Variants in PHLDB2 observed in about 807,000 individuals in gnomAD.
PHLDB2 encodes the protein pleckstrin homology-like domain family B member 2.
A neutral mutation model predicts 123.6 loss-of-function variants in PHLDB2; 71 were observed. That is an observed-to-expected ratio of 0.57 (90% confidence interval 0.47 to 0.70). The LOEUF is 0.70. Ranked by LOEUF, PHLDB2 falls within the 30% of genes least tolerant of loss-of-function variation. The pLI is 0.00. For missense variants in PHLDB2, 1,446 were observed against 1,519.5 expected (o/e 0.95, Z 0.80); for synonymous variants, 547 against 541.6 (o/e 1.01, Z -0.14).
intron 3 of PHLDB2, chr3:111,917,552 C>T (rs1478435326): frequency 1.3e-5 from 2 of 152,128 alleles, no homozygotes; most frequent in African/African-American, 4.8e-5. Context: ...AAAACAGGCA[C>T]CTTAGTATTA....
At chr3:111,895,277 G>A (rs183979020) in intron 2 of PHLDB2, among the ~76,000 whole-genome samples, 1 of 152,198 alleles carries the variant, frequency 6.6e-6, no homozygotes, top group East Asian at 1.9e-4. Flanking sequence ...GCCTCTTGAT[G>A]GTGCCATGCA....
chr3:111,862,384 A>G (rs2064875725), intron 1 of PHLDB2, among the ~76,000 whole-genome samples: 1 of 152,164 alleles, frequency 6.6e-6, no homozygotes, highest in Non-Finnish European at 1.5e-5. Flanking sequence ...GCTTTATCTT[A>G]AAGTCCTGAC....
chr3:111,919,073 C>A lies in PHLDB2; in HGVS notation c.1721C>A (p.Thr574Asn), dbSNP rs1412556925. 1.2e-6 allele frequency: 2 copies of A among 1,613,736 alleles called. No individual in the cohort carries two copies. The highest frequency in any genetic ancestry group is 1.1e-5 in the South Asian group (1 of 91,068). ...ESSYLSILPKTPEGISEEQRS... is the reference protein window; with the variant it reads ...ESSYLSILPKNPEGISEEQRS... ...CATTTCTGTGTTGATTAATCGCAGA[C>A]CCCAGAGGGTATAAGTGAAGAACAG... The change falls in exon 4 of 18, where the codon ACC (threonine) becomes AAC (asparagine). Residue 574 changes from threonine (T) to asparagine (N), a missense_variant and splice_region_variant. Transcript: ENST00000431670.
In PHLDB2 at chr3:111,743,897, A is replaced by T. The variant is rs151041327; in HGVS notation, c.-49+11194A>T. Among the ~76,000 whole-genome samples the T allele has an allele frequency of 9.2e-5, 14 of 152,342 alleles. No individual in the cohort carries two copies. In the South Asian group the frequency reaches 2.7e-3, roughly 29 times the overall value. On this transcript the variant is annotated intron_variant, in intron 1 of 17. Coordinates refer to the PHLDB2 transcript ENST00000393923. ...ATCACACTCTTAATGAACAATTTTC[A>T]TATTGGTTTCATTTTTATCATCCAT... is the stretch of plus-strand genomic sequence containing the variant.
chr3:111,872,534 A>T (rs1002048106), intron 1 of PHLDB2, among the ~76,000 whole-genome samples: 1 of 152,046 alleles, frequency 6.6e-6, no homozygotes, highest in African/African-American at 2.4e-5. Flanking sequence ...GTGTGCAATC[A>T]CGTCCCTCCT....
intron 2 of PHLDB2, among the ~76,000 whole-genome samples, chr3:111,852,970 T>C (rs2064325447): frequency 6.6e-6 from 1 of 152,180 alleles, no homozygotes; most frequent in Admixed American, 6.5e-5. Context: ...GGGATAATCA[T>C]TAAACTTGAG....
intron 1 of PHLDB2, among the ~76,000 whole-genome samples, chr3:111,830,955 G>GAAAGAA (rs1553736316): frequency 6.3e-5 from 4 of 63,702 alleles, no homozygotes; most frequent in African/African-American, 2.2e-4. Context: ...AAGAAAGAAA[G>GAAAGAA]AGAAAGAAAG....
At chr3:111,777,090 G>T (rs916210713) in intron 1 of PHLDB2, among the ~76,000 whole-genome samples, 4 of 151,972 alleles carry the variant, frequency 2.6e-5, no homozygotes, top group Non-Finnish European at 5.9e-5. Context: ...TGATGAGGAG[G>T]CAGCATCATT....
At chr3:111,818,105 A>T (rs1056075614) in intron 1 of PHLDB2, among the ~76,000 whole-genome samples, 8 of 151,808 alleles carry the variant, frequency 5.3e-5, no homozygotes, top group African/African-American at 1.9e-4. Flanking sequence ...ATGTAAGCTG[A>T]CTCATAGGGA....
intron 1 of PHLDB2, among the ~76,000 whole-genome samples, chr3:111,880,851 G>A (rs1303867841): frequency 2.0e-5 from 3 of 152,140 alleles, no homozygotes; most frequent in African/African-American, 7.2e-5. Flanking sequence ...GAACTTATCT[G>A]CTGCCTCTTG....
intron 1 of PHLDB2, among the ~76,000 whole-genome samples, chr3:111,743,034 G>A (rs921638408): frequency 6.6e-6 from 1 of 152,098 alleles, no homozygotes; most frequent in Non-Finnish European, 1.5e-5. Flanking sequence ...AGTTTCAGAC[G>A]GGTGCTCCCC....
intron 2 of PHLDB2, 112 bp downstream of exon 2, chr3:111,885,524 C>G: frequency 7.7e-7 from 1 of 1,293,124 alleles, no homozygotes; most frequent in East Asian, 2.3e-5. Context: ...TTCATGTTCA[C>G]TAGCCACAGC....
chr3:111,735,524 G>A (rs1198492080), intron 1 of PHLDB2, among the ~76,000 whole-genome samples: 4 of 152,170 alleles, frequency 2.6e-5, no homozygotes. Context: ...AAATGTCTTT[G>A]AACAAAGGGT....
chr3:111,788,369 G>A (rs941032777), intron 1 of PHLDB2, among the ~76,000 whole-genome samples: 1 of 152,138 alleles, frequency 6.6e-6, no homozygotes, highest in Non-Finnish European at 1.5e-5. Context: ...GTAGAGTCTG[G>A]GACTTTTGTG....
rs1372319568 is a variant in PHLDB2 at position 111,913,324 on chromosome 3, A to C, written c.1341A>C (p.Arg447Ser). ...LREQEMERLERQRLETILSLC... is the reference protein window; with the variant it reads ...LREQEMERLESQRLETILSLC... Reference sequence around the variant, plus strand: ...CCCTCCTCCCTGTGTTCCAGGAGAGACAGCGTCTGGAGACCATCCTCAGTC... The same window carrying C: ...CCCTCCTCCCTGTGTTCCAGGAGAGCCAGCGTCTGGAGACCATCCTCAGTC... The change falls in exon 3 of 18, where the codon AGA becomes AGC. Residue 447 changes from arginine to serine, a missense_variant. Around this residue, in one of 3 missense-constraint regions of PHLDB2, gnomAD observed 832 missense variants for 831.9 expected, o/e 1.00. Transcript: ENST00000431670. 1 of 1,588,178 alleles carries C rather than the reference A, an allele frequency of 6.3e-7. No homozygotes were observed. Among genetic ancestry groups the C allele is most frequent in the African/African-American group, 1.4e-5 (1 of 74,046 alleles).
intron 1 of PHLDB2, among the ~76,000 whole-genome samples, chr3:111,802,197 G>C (rs894138954): frequency 6.6e-6 from 1 of 152,200 alleles, no homozygotes; most frequent in African/African-American, 2.4e-5. Context: ...ACTGCAGAGT[G>C]CCACCAGCTA....
intron 10 of PHLDB2, among the ~76,000 whole-genome samples, chr3:111,950,886 A>T (rs2070672657): frequency 6.6e-6 from 1 of 152,228 alleles, no homozygotes; most frequent in African/African-American, 2.4e-5. Context: ...AACAAGGAGA[A>T]TGGAAGACCT....
intron 2 of PHLDB2, among the ~76,000 whole-genome samples, chr3:111,901,880 C>G (rs1055086211): frequency 5.3e-5 from 8 of 152,088 alleles, no homozygotes; most frequent in African/African-American, 1.9e-4. Context: ...TATGATGATA[C>G]GGATCACATG....
intron 1 of PHLDB2, among the ~76,000 whole-genome samples, chr3:111,863,305 T>A (rs1354497474): frequency 6.6e-6 from 1 of 152,166 alleles, no homozygotes; most frequent in Non-Finnish European, 1.5e-5. Context: ...TTTCTGTTCC[T>A]CCCTGCCTTA....
Sources: gnomAD v4.1 joint callset for allele counts (sites outside exome capture counted in the v4.1 genomes callset) on GRCh38, gnomAD v4.1.1 for gene constraint, gnomAD v4.1.1 regional missense constraint, MANE v1.5 for transcripts, NCBI Gene and HGNC (gene_info 2026-07-23, HGNC 2026-07-21) for gene names.